The following CYSTM1 variants were observed in gnomAD, a reference collection of about 807,000 sequenced individuals.
CYSTM1 encodes the protein cysteine-rich transmembrane module-containing protein 1.
Under a neutral mutation model 13.1 loss-of-function variants are expected in CYSTM1, and 4 were observed. That is an observed-to-expected ratio of 0.31 (90% CI 0.15 to 0.70). CYSTM1 has a LOEUF of 0.70. Ranked by LOEUF, CYSTM1 falls within the 30% of genes least tolerant of loss-of-function variation. The pLI is 0.72. For missense variants in CYSTM1, 96 were observed against 121.6 expected (o/e 0.79, Z 0.99); for synonymous variants, 36 against 42.7 (o/e 0.84, Z 0.62).
chr5:140,189,335 C>G (rs943842104), intron 1 of CYSTM1, among the ~76,000 whole-genome samples: 2 of 150,848 alleles, frequency 1.3e-5, no homozygotes, highest in Non-Finnish European at 3.0e-5. Flanking sequence ...TCTCTTGCCC[C>G]CTCTCTCATC....
chr5:140,194,573 ACCT>A lies in CYSTM1; in HGVS notation c.113_115del (p.Pro38del). The stretch of plus-strand genomic sequence containing the variant: ...CAGGACCTATGGGGGGACCCTACCC[ACCT>A]CCTCAAGGGTACCCCTACCAAGGAT... On this transcript the variant is annotated inframe_deletion, in exon 2 of 3. Coordinates refer to ENST00000261811, the MANE Select transcript of CYSTM1 (RefSeq NM_032412.4). The A allele has an allele frequency of 1.2e-6, 2 of 1,613,246 alleles. No individual in the cohort carries two copies. The highest frequency in any genetic ancestry group is 1.7e-5 in the Admixed American group (1 of 59,912).
rs1344756368 is a variant in CYSTM1, at chr5:140,243,549, T to C, written c.*138T>C. On this transcript the variant is annotated 3_prime_UTR_variant, in exon 3 of 3. Coordinates refer to ENST00000261811, the MANE Select transcript of CYSTM1 (RefSeq NM_032412.4). ...CTCTACCTTCAGCACTATGGGATTC[T>C]AGATTAATGGGGGTTGCTACTGTTT... 8 of 609,912 alleles carry C rather than the reference T, an allele frequency of 1.3e-5. No individual in the cohort carries two copies. The East Asian group carries it at 2.4e-4, about 18-fold the overall frequency. 37.8% of individuals were successfully genotyped at this position (609,912 alleles called of 1,614,324 possible).
chr5:140,189,211 A>T (rs1764060556), intron 1 of CYSTM1, among the ~76,000 whole-genome samples: 1 of 152,164 alleles, frequency 6.6e-6, no homozygotes, highest in South Asian at 2.1e-4. Context: ...TTTGGGTCAT[A>T]GGGGTGTATC....
intron 2 of CYSTM1, among the ~76,000 whole-genome samples, chr5:140,224,063 C>A (rs1045033345): frequency 1.3e-5 from 2 of 152,180 alleles, no homozygotes; most frequent in African/African-American, 4.8e-5. Flanking sequence ...TACGTACTCT[C>A]CAGAAAGTAT....
intron 2 of CYSTM1, among the ~76,000 whole-genome samples, chr5:140,207,834 T>G (rs1033757148): frequency 6.6e-6 from 1 of 152,236 alleles, no homozygotes; most frequent in Non-Finnish European, 1.5e-5. Flanking sequence ...GTGGTACTCC[T>G]CACCTCCCAG....
intron 2 of CYSTM1, among the ~76,000 whole-genome samples, chr5:140,240,410 G>A (rs1764734145): frequency 6.6e-6 from 1 of 151,610 alleles, no homozygotes; most frequent in Non-Finnish European, 1.5e-5. Context: ...CTGGGTTGGG[G>A]CCACCTCTGC....
rs994652014 is a variant in CYSTM1 at position 140,219,341 on chromosome 5, A to G, written c.188-23964A>G. ...TTGGCATAGCCCAGGCACCCTGCAC[A>G]GTTCTTTGCAAATCTACAAGGAATG... On this transcript the variant is annotated intron_variant, in intron 2 of 2. Coordinates refer to ENST00000261811, the MANE Select transcript of CYSTM1 (RefSeq NM_032412.4). The surrounding 1 kb of genome is among the most constrained non-coding windows in gnomAD (Gnocchi z 4.1). 6.6e-6 allele frequency among the ~76,000 whole-genome samples: 1 copy of G among 152,166 alleles called. No homozygotes were observed. Among genetic ancestry groups the G allele is most frequent in the Non-Finnish European group, 1.5e-5 (1 of 68,026 alleles).
intron 1 of CYSTM1, among the ~76,000 whole-genome samples, chr5:140,179,555 G>A (rs1335225784): frequency 6.6e-6 from 1 of 151,906 alleles, no homozygotes; most frequent in Non-Finnish European, 1.5e-5. Flanking sequence ...GGAAGACTCT[G>A]TCTGAAAAAT....
At chr5:140,187,825 C>T (rs1764036826) in intron 1 of CYSTM1, among the ~76,000 whole-genome samples, 1 of 151,992 alleles carries the variant, frequency 6.6e-6, no homozygotes, top group South Asian at 2.1e-4. Flanking sequence ...TACCCCAAGT[C>T]TGGTACCCAA....
rs772228254 is a variant in CYSTM1, at chr5:140,226,934, G to A, written c.188-16371G>A. Among the ~76,000 whole-genome samples the A allele has an allele frequency of 8.6e-5, 13 of 152,034 alleles. No homozygotes were observed. In the South Asian group the frequency reaches 1.7e-3, roughly 19 times the overall value. On this transcript the variant is annotated intron_variant, in intron 2 of 2. Coordinates refer to ENST00000261811, the MANE Select transcript of CYSTM1 (RefSeq NM_032412.4). ...CAAGGGTCCTGGTGCTGCTGAGGTC[G>A]CTGACTGGCAGAGGTGGAGAGCAGC...
At chr5:140,198,912 C>T (rs1217546314) in intron 2 of CYSTM1, among the ~76,000 whole-genome samples, 1 of 152,102 alleles carries the variant, frequency 6.6e-6, no homozygotes, top group Non-Finnish European at 1.5e-5. Flanking sequence ...TTGCTGCACC[C>T]GTCATCTACA....
At chr5:140,233,480 A>G (rs1764641317) in intron 2 of CYSTM1, among the ~76,000 whole-genome samples, 1 of 152,182 alleles carries the variant, frequency 6.6e-6, no homozygotes. Context: ...TTTTTGTGTG[A>G]ACCTAAGTTT....
chr5:140,182,132 C>G (rs1763967583), intron 1 of CYSTM1, among the ~76,000 whole-genome samples: 2 of 152,300 alleles, frequency 1.3e-5, no homozygotes, highest in South Asian at 4.1e-4. Flanking sequence ...AAACTGATAA[C>G]TACTACATCA....
chr5:140,207,321 G>A (rs1190044607), intron 2 of CYSTM1, among the ~76,000 whole-genome samples: 1 of 152,142 alleles, frequency 6.6e-6, no homozygotes, highest in Admixed American at 6.6e-5. Context: ...TATCTCGAGG[G>A]CTTCCCTTTC....
At chr5:140,195,149 A>G (rs540108866) in intron 2 of CYSTM1, among the ~76,000 whole-genome samples, 5 of 152,248 alleles carry the variant, frequency 3.3e-5, no homozygotes, top group South Asian at 4.1e-4. Context: ...CTTGTGTGCT[A>G]TAGAACAGTG....
Position 140,194,503 on chromosome 5 carries a change from GT to G in CYSTM1, c.39del (p.Pro14GlnfsTer53). The G allele has an allele frequency of 6.2e-7, 1 of 1,609,646 alleles. No individual in the cohort carries two copies. Among genetic ancestry groups the G allele is most frequent in the Non-Finnish European group, 8.5e-7 (1 of 1,178,764 alleles). On this transcript the variant is annotated frameshift_variant, in exon 2 of 3. Coordinates refer to ENST00000261811, the MANE Select transcript of CYSTM1 (RefSeq NM_032412.4). LOFTEE classifies it high-confidence loss of function. ...AACCCTCCACCATATCCAGGCCCTGGTCCAACGGCCCCATACCCACCTTATC... is the reference window on the plus strand; with the variant it reads ...AACCCTCCACCATATCCAGGCCCTGGCCAACGGCCCCATACCCACCTTATC... The part of the protein sequence containing the change: ...QENPPPYPGP[G>X]PTAPYPPYPP...
chr5:140,184,706 A>T (rs1487855887), intron 1 of CYSTM1, among the ~76,000 whole-genome samples: 1 of 152,216 alleles, frequency 6.6e-6, no homozygotes, highest in East Asian at 1.9e-4. Context: ...CTTACAGAGC[A>T]CCAAGCCCTG....
chr5:140,199,288 G>A (rs1764198265), intron 2 of CYSTM1, among the ~76,000 whole-genome samples: 1 of 152,148 alleles, frequency 6.6e-6, no homozygotes, highest in Admixed American at 6.5e-5. Flanking sequence ...TGTCTTTATA[G>A]TAGAATGACT....
At chr5:140,190,396 A>G (rs951196540) in intron 1 of CYSTM1, among the ~76,000 whole-genome samples, 1 of 152,150 alleles carries the variant, frequency 6.6e-6, no homozygotes, top group African/African-American at 2.4e-5. Context: ...ATGAGGCAGT[A>G]AATAGTCCAT....
Sources: gnomAD v4.1 joint callset for allele counts (sites outside exome capture counted in the v4.1 genomes callset) on GRCh38, gnomAD v4.1.1 for gene constraint, Gnocchi (gnomAD v3.1) non-coding constraint, MANE v1.5 for transcripts, NCBI Gene and HGNC (gene_info 2026-07-23, HGNC 2026-07-21) for gene names.